APBB2: variants seen among roughly 807,000 people sequenced by gnomAD.
APBB2 encodes the protein Fe65-like 1.
A neutral mutation model predicts 82.5 loss-of-function variants in APBB2; 38 were observed. The ratio of observed to expected loss-of-function variants is 0.46; its 90% CI spans 0.36 to 0.60. The LOEUF (loss-of-function observed/expected upper bound fraction) is 0.60. APBB2 is among the 20% of genes least tolerant of loss of function. APBB2 has a pLI of 0.00. For synonymous variants in APBB2, 341 were observed against 368.2 expected, an observed-to-expected ratio of 0.93 and a Z score of 0.85; for missense variants, 772 against 972.3, an observed-to-expected ratio of 0.79 and a Z score of 2.74.
Position 40,813,996 on chromosome 4 carries a change from A to G in APBB2, c.*2096T>C, listed in dbSNP as rs953246672. The G allele has an allele frequency of 6.6e-6, 1 of 152,234 alleles. No individual in the cohort carries two copies. Among genetic ancestry groups the G allele is most frequent in the Non-Finnish European group, 1.5e-5 (1 of 68,044 alleles). 9.4% of individuals were successfully genotyped at this position (152,234 alleles called of 1,614,324 possible). On this transcript the variant is annotated 3_prime_UTR_variant, in exon 18 of 18. Transcript: ENST00000508593. ...TAAAGTAGCATAGTTTTGTCATAAC[A>G]TTGGGGTGCTAAGACAATTCCGGTC...
intron 2 of APBB2, among the ~76,000 whole-genome samples, chr4:41,133,555 T>C (rs1335044292): frequency 6.6e-6 from 1 of 152,236 alleles, no homozygotes; most frequent in Non-Finnish European, 1.5e-5. Context: ...GAAAGGGTTC[T>C]GTATAGCTTA....
intron 3 of APBB2, among the ~76,000 whole-genome samples, chr4:41,089,217 G>C (rs144891628): frequency 6.6e-6 from 1 of 152,126 alleles, no homozygotes; most frequent in East Asian, 1.9e-4. Context: ...ACTAACTATA[G>C]GCTAAATATT....
intron 13 of APBB2, among the ~76,000 whole-genome samples, chr4:40,828,052 C>T (rs1750557521): frequency 6.6e-6 from 1 of 152,114 alleles, no homozygotes; most frequent in African/African-American, 2.4e-5. Flanking sequence ...TAAGACGTGC[C>T]TTTCACCTTC....
At chr4:41,150,038 C>T (rs190315502) in intron 1 of APBB2, among the ~76,000 whole-genome samples, 64 of 152,274 alleles carry the variant, frequency 4.2e-4, no homozygotes, top group African/African-American at 1.5e-3. Context: ...TGGACTAATA[C>T]ACTGGGGTTC....
intron 1 of APBB2, among the ~76,000 whole-genome samples, chr4:41,182,355 G>A (rs1771663862): frequency 6.6e-6 from 1 of 152,178 alleles, no homozygotes; most frequent in Non-Finnish European, 1.5e-5. Flanking sequence ...CGAACATTCA[G>A]TACCTGCCTT....
chr4:41,209,282 T>G (rs1778739752), intron 1 of APBB2, among the ~76,000 whole-genome samples: 11 of 152,116 alleles, frequency 7.2e-5, no homozygotes, highest in Admixed American at 7.2e-4. Flanking sequence ...CAAAATGCAC[T>G]AAAAACACCA....
chr4:40,870,129 A>G (rs1197635006), intron 12 of APBB2, among the ~76,000 whole-genome samples: 3 of 152,196 alleles, frequency 2.0e-5, no homozygotes, highest in Non-Finnish European at 4.4e-5. Flanking sequence ...CCTTCTAGGA[A>G]AGAATGATTC....
At chr4:41,023,509 A>G (rs982239719) in intron 5 of APBB2, among the ~76,000 whole-genome samples, 1 of 152,220 alleles carries the variant, frequency 6.6e-6, no homozygotes, top group Non-Finnish European at 1.5e-5. Flanking sequence ...TCAGTGTACA[A>G]AAATCACTAG....
chr4:40,855,918 C>A (rs1445586555), intron 12 of APBB2, among the ~76,000 whole-genome samples: 1 of 152,192 alleles, frequency 6.6e-6, no homozygotes, highest in East Asian at 1.9e-4. Context: ...CATTTACAAA[C>A]ACATTCTGCT....
chr4:41,105,885 C>A (rs1041741932), intron 2 of APBB2, among the ~76,000 whole-genome samples: 520 of 114,064 alleles, frequency 4.6e-3, no homozygotes, highest in East Asian at 7.3e-3. Flanking sequence ...GACCCCGTCT[C>A]AAAAAAAAAA....
intron 10 of APBB2, among the ~76,000 whole-genome samples, chr4:40,918,739 T>TC (rs1299212946): frequency 7.4e-6 from 1 of 134,888 alleles, no homozygotes; most frequent in African/African-American, 2.7e-5. Context: ...CCTCCCTCCC[T>TC]CCTTCCTTAT....
At chr4:41,055,158 C>G (rs1727397640) in intron 4 of APBB2, among the ~76,000 whole-genome samples, 1 of 152,214 alleles carries the variant, frequency 6.6e-6, no homozygotes, top group Non-Finnish European at 1.5e-5. Flanking sequence ...CCCAGCTCTT[C>G]ATAGACTGGG....
chr4:41,155,032 A>T (rs1169418734), intron 1 of APBB2, among the ~76,000 whole-genome samples: 1 of 152,212 alleles, frequency 6.6e-6, no homozygotes, highest in African/African-American at 2.4e-5. Flanking sequence ...GACTCATTTT[A>T]AATCATAAGT....
intron 4 of APBB2, among the ~76,000 whole-genome samples, chr4:41,046,110 C>T (rs73809456): frequency 0.014 from 2,185 of 152,218 alleles, 52 homozygotes; most frequent in African/African-American, 0.05. Context: ...CCCTCACATA[C>T]GTCTTCTATT....
At chr4:40,957,867 A>C (rs2154387583) in intron 6 of APBB2, among the ~76,000 whole-genome samples, 1 of 152,202 alleles carries the variant, frequency 6.6e-6, no homozygotes, top group East Asian at 1.9e-4. Flanking sequence ...TACAGGCATG[A>C]GCCACCACAC....
intron 10 of APBB2, among the ~76,000 whole-genome samples, chr4:40,905,855 G>T (rs539356480): frequency 6.6e-6 from 1 of 152,244 alleles, no homozygotes; most frequent in East Asian, 1.9e-4. Context: ...GATCTCTTTG[G>T]TAAGGGTACG....
chr4:40,822,426 C>T (rs1394946974), intron 16 of APBB2: 2 of 174,274 alleles, frequency 1.1e-5, no homozygotes, highest in Non-Finnish European at 2.4e-5. Flanking sequence ...CCCAGAGCAC[C>T]AGAAAAAAGG....
chr4:40,825,550 TG>T (rs1459065055), intron 15 of APBB2, among the ~76,000 whole-genome samples: 1 of 152,212 alleles, frequency 6.6e-6, no homozygotes, highest in Non-Finnish European at 1.5e-5. Context: ...ACGAAGCAGG[TG>T]CCCTGGCCTC....
chr4:40,817,324 C>A (rs771595600), intron 17 of APBB2, among the ~76,000 whole-genome samples: 1 of 152,108 alleles, frequency 6.6e-6, no homozygotes, highest in African/African-American at 2.4e-5. Context: ...GGGAGGATTG[C>A]TTCAGACTGG....
Sources: gnomAD v4.1 joint callset for allele counts (sites outside exome capture counted in the v4.1 genomes callset) on GRCh38, gnomAD v4.1.1 for gene constraint, MANE v1.5 for transcripts, NCBI Gene and HGNC (gene_info 2026-07-23, HGNC 2026-07-21) for gene names.